SAMD4B: variants seen among roughly 807,000 people sequenced by gnomAD.
SAMD4B encodes sterile alpha motif domain containing 4B.
In SAMD4B, 5 loss-of-function variants were observed where a neutral mutation model predicts 74.5. The ratio of observed to expected loss-of-function variants is 0.07; its 90% confidence interval spans 0.04 to 0.14. The LOEUF (loss-of-function observed/expected upper bound fraction) is 0.14, where lower values mean the gene tolerates loss of function less well. Ranked by LOEUF, SAMD4B falls within the 10% of genes least tolerant of loss-of-function variation. The pLI is 1.00. For missense variants in SAMD4B, 608 were observed against 921.8 expected (o/e 0.66, Z 4.41); for synonymous variants, 373 against 374.9 (o/e 1.00, Z 0.06).
At position 39,383,662 on chromosome 19, in the gene SAMD4B, C is replaced by T. The variant is rs770726763; in HGVS notation, c.*135C>T. 1.7e-5 allele frequency: 27 copies of T among 1,583,544 alleles called. No homozygotes were observed. The East Asian group carries it at 1.9e-4, about 11-fold the overall frequency. On this transcript the variant is annotated 3_prime_UTR_variant, in exon 14 of 14. Transcript: ENST00000610417. This position sits in a 1 kb window ranked among gnomAD's most constrained non-coding sequence, Gnocchi z 4.1. Reference sequence around the variant, plus strand: ...TCTAATATTTTTCTACTCTCTTACCCTCTTAACTTTTGTTTAACATTGGCA... The same window carrying T: ...TCTAATATTTTTCTACTCTCTTACCTTCTTAACTTTTGTTTAACATTGGCA...
intron 1 of SAMD4B, among the ~76,000 whole-genome samples, chr19:39,352,889 A>G (rs2076133250): frequency 6.6e-6 from 1 of 152,150 alleles, no homozygotes; most frequent in Non-Finnish European, 1.5e-5. Flanking sequence ...CTGTTGGTAT[A>G]TCAAACCTCC....
rs1568362808 is a variant in SAMD4B at position 39,376,336 on chromosome 19, C to T, written c.908-101C>T. The T allele has an allele frequency of 1.2e-5, 11 of 938,288 alleles. No individual in the cohort carries two copies. The Admixed American group carries it at 1.4e-4, about 12-fold the overall frequency. The allele number at this position is 938,288 out of a possible 1,614,324, so 58.1% of individuals were successfully genotyped here. ...CCCCCAACCCCCTCCCAATTTTTTG[C>T]ATCTTTTGAGGCTTCCTGTGGGTTT... On this transcript the variant is annotated intron_variant, in intron 5 of 13. Coordinates refer to ENST00000610417, the MANE Select transcript of SAMD4B (RefSeq NM_001384574.2).
chr19:39,377,973 G>A, intron 8 of SAMD4B, 149 bp downstream of exon 8: 1 of 791,238 alleles, frequency 1.3e-6, no homozygotes, highest in South Asian at 1.9e-5. Context: ...GCCAAGACAG[G>A]GTGACAAGGC....
intron 1 of SAMD4B, among the ~76,000 whole-genome samples, chr19:39,345,743 A>G (rs2075656821): frequency 6.6e-6 from 1 of 152,188 alleles, no homozygotes; most frequent in South Asian, 2.1e-4. Flanking sequence ...TTTGTAAGTT[A>G]TTGGAAATCA....
chr19:39,389,828 G>C, downstream of SAMD4B: 1 of 1,603,442 alleles, frequency 6.2e-7, no homozygotes, highest in Non-Finnish European at 8.5e-7. The surrounding 1 kb of genome is among the most constrained non-coding windows in gnomAD (Gnocchi z 5.3). Context: ...CTGCTTCCCA[G>C]AGGCGGAGCT....
chr19:39,389,698 T>C (rs1568375043), downstream of SAMD4B: 4 of 1,614,074 alleles, frequency 2.5e-6, no homozygotes, highest in Non-Finnish European at 3.4e-6. The surrounding 1 kb of genome is among the most constrained non-coding windows in gnomAD (Gnocchi z 5.3). Context: ...CCCCCAGGTC[T>C]GGCTCAGTCA....
At chr19:39,388,706 G>A, downstream of SAMD4B, 2 of 1,610,684 alleles carry the variant, frequency 1.2e-6, no homozygotes, top group Non-Finnish European at 1.7e-6. Context: ...TAGCAATGAA[G>A]TGTGAGGACA....
chr19:39,388,588 C>T, downstream of SAMD4B: 1 of 1,614,196 alleles, frequency 6.2e-7, no homozygotes, highest in South Asian at 1.1e-5. Context: ...TCCATCTCCT[C>T]CTCCTGGTCC....
Position 39,356,703 on chromosome 19 carries a change from G to A in SAMD4B, c.-191G>A, listed in dbSNP as rs888444242. On this transcript the variant is annotated 5_prime_UTR_variant, in exon 3 of 14. It adds an upstream start codon to the 5' untranslated region. Coordinates refer to ENST00000610417, the MANE Select transcript of SAMD4B (RefSeq NM_001384574.2). Reference sequence around the variant, plus strand: ...TCCTTTTTCAGGAAACTGGAGAGGCGTGGCTGGACCAAGACCTCCCCCCAT... The same window carrying A: ...TCCTTTTTCAGGAAACTGGAGAGGCATGGCTGGACCAAGACCTCCCCCCAT... 5.7e-5 allele frequency: 30 copies of A among 524,462 alleles called. 1 individual carries two copies. Among genetic ancestry groups the A allele is most frequent in the South Asian group, 2.1e-4 (7 of 34,006 alleles). 32.5% of individuals were successfully genotyped at this position (524,462 alleles called of 1,614,324 possible). A position where few individuals can be genotyped will look rare whatever the true frequency, so the allele number is the denominator to read the frequency against.
chr19:39,389,119 T>G (rs1359132284), downstream of SAMD4B: 4 of 1,614,006 alleles, frequency 2.5e-6, no homozygotes, highest in African/African-American at 4.0e-5. This position sits in a 1 kb window ranked among gnomAD's most constrained non-coding sequence, Gnocchi z 5.3. Context: ...TCAAAAGTCT[T>G]CTCAATGGCT....
Position 39,384,911 on chromosome 19 carries a change from A to G in SAMD4B, c.*1384A>G, listed in dbSNP as rs10412658. ...AAATGTTGGGAAAAAAACAAAAAAA[A>G]CAAAAAAAAAAAAAATTTTAAAACC... On this transcript the variant is annotated 3_prime_UTR_variant, in exon 14 of 14. Coordinates refer to ENST00000610417, the MANE Select transcript of SAMD4B (RefSeq NM_001384574.2). The G allele has an allele frequency of 6.7e-6, 1 of 150,118 alleles. No homozygotes were observed. The highest frequency in any genetic ancestry group is 1.5e-5 in the Non-Finnish European group (1 of 67,216). 9.3% of individuals were successfully genotyped at this position (150,118 alleles called of 1,614,324 possible). A position where few individuals can be genotyped will look rare whatever the true frequency, so the allele number is the denominator to read the frequency against.
At chr19:39,388,595 G>A (rs1472932155), downstream of SAMD4B, 23 of 1,614,010 alleles carry the variant, frequency 1.4e-5, no homozygotes, top group Non-Finnish European at 1.9e-5. Context: ...CCTCCTCCTG[G>A]TCCCGCTTTC....
At position 39,342,583 on chromosome 19, in the gene SAMD4B, C is replaced by G. The variant is rs1445286652; in HGVS notation, c.-267+7C>G. ...GGCGGCGAAGGCCGAGGCGGTGAGT[C>G]TCGGGCCGGGCCGGCGCGGGGCGGC... On this transcript the variant is annotated splice_region_variant and intron_variant, in intron 1 of 13. Transcript: ENST00000610417. The G allele has an allele frequency of 6.5e-6, 1 of 152,924 alleles. No individual in the cohort carries two copies. The highest frequency in any genetic ancestry group is 2.5e-5 in the African/African-American group (1 of 40,706). 9.5% of individuals were successfully genotyped at this position (152,924 alleles called of 1,614,324 possible).
chr19:39,378,408 C>A lies in SAMD4B; in HGVS notation c.1445-96C>A. On this transcript the variant is annotated intron_variant, in intron 8 of 13. Transcript: ENST00000610417. The surrounding 1 kb of genome is among the most constrained non-coding windows in gnomAD (Gnocchi z 4.4). ...TAGTTGATATTCATCCAGCCTGAGT[C>A]TCCTGTTCCTTCTTGTGCACGAGCC... The A allele has an allele frequency of 1.9e-6, 2 of 1,041,098 alleles. No homozygotes were observed. Among genetic ancestry groups the A allele is most frequent in the Non-Finnish European group, 1.5e-6 (1 of 671,160 alleles). 64.5% of individuals were successfully genotyped at this position (1,041,098 alleles called of 1,614,324 possible). A position where few individuals can be genotyped will look rare whatever the true frequency, so the allele number is the denominator to read the frequency against.
Position 39,380,575 on chromosome 19 carries a change from G to A in SAMD4B, c.1650-12G>A. On this transcript the variant is annotated splice_polypyrimidine_tract_variant and intron_variant, in intron 10 of 13. Transcript: ENST00000610417. ...TATGTAAATTAACACCCTGCCTTCT[G>A]CTCTCTCATAGCTGGGCATTCGGCT... 1.9e-6 allele frequency: 3 copies of A among 1,614,008 alleles called. No individual in the cohort carries two copies. Among genetic ancestry groups the A allele is most frequent in the Non-Finnish European group, 2.5e-6 (3 of 1,179,980 alleles).
chr19:39,364,140 T>A (rs2076813538), intron 3 of SAMD4B, among the ~76,000 whole-genome samples: 1 of 152,208 alleles, frequency 6.6e-6, no homozygotes, highest in Admixed American at 6.5e-5. Context: ...CAGAACAAGG[T>A]CCTGCATTGA....
Position 39,365,319 on chromosome 19 carries a change from C to T in SAMD4B, c.197-4336C>T, listed in dbSNP as rs183964183. On this transcript the variant is annotated intron_variant, in intron 3 of 13. Transcript: ENST00000610417. The stretch of plus-strand genomic sequence containing the variant: ...CTGCAATCCCAGCACTTTGGGAGGC[C>T]GAGGCAGGTGGATCACCTGAGTTTA... 1.6e-3 allele frequency among the ~76,000 whole-genome samples: 246 copies of T among 151,008 alleles called. 1 individual carries two copies. Among genetic ancestry groups the T allele is most frequent in the African/African-American group, 5.6e-3 (229 of 41,066 alleles).
intron 1 of SAMD4B, among the ~76,000 whole-genome samples, chr19:39,346,555 T>C (rs566374587): frequency 2.0e-5 from 3 of 152,296 alleles, no homozygotes; most frequent in Admixed American, 6.5e-5. Flanking sequence ...TTTACATGTA[T>C]TCATAGGAGG....
chr19:39,377,267 G>A (rs1424537989), intron 7 of SAMD4B, among the ~76,000 whole-genome samples: 1 of 152,110 alleles, frequency 6.6e-6, no homozygotes, highest in East Asian at 1.9e-4. Context: ...CATTAGACTG[G>A]CTTTTCGTGA....
Sources: allele counts gnomAD v4.1 joint callset (sites outside exome capture counted in the v4.1 genomes callset), GRCh38; gene constraint gnomAD v4.1.1; non-coding constraint Gnocchi (gnomAD v3.1); transcripts MANE v1.5; gene names NCBI Gene and HGNC (gene_info 2026-07-23, HGNC 2026-07-21).